The following MNAT1 variants were observed in gnomAD, a reference collection of about 807,000 sequenced individuals.
MNAT1 encodes the protein MNAT1 component of CDK activating kinase.
MNAT1 carries 43 observed loss-of-function variants against 42.0 expected under a neutral mutation model. The ratio of observed to expected loss-of-function variants is 1.02; its 90% CI spans 0.80 to 1.32. The LOEUF is 1.32. MNAT1 is among the 40% of genes most tolerant of loss of function. The probability of loss-of-function intolerance (pLI) is 0.00; values close to 1 mark genes in which losing one functional copy is unlikely to be tolerated. For synonymous variants in MNAT1, 118 were observed against 120.0 expected (o/e 0.98, Z 0.11); for missense variants, 306 against 350.4 (o/e 0.87, Z 1.01).
intron 6 of MNAT1, among the ~76,000 whole-genome samples, chr14:60,831,948 A>G (rs2033233743): frequency 6.6e-6 from 1 of 151,836 alleles, no homozygotes; most frequent in East Asian, 1.9e-4. Context: ...GCTTTTTTTC[A>G]TGTGTTTGTT....
rs762485245 is a variant in MNAT1 at position 60,879,706 on chromosome 14, T to C, written c.688-8T>C. ...AAGAGGTATTAAGTTCCTTCATTTTTCTAACAGGGTCAACATATTTCACTG... is the reference window on the plus strand; with the variant it reads ...AAGAGGTATTAAGTTCCTTCATTTTCCTAACAGGGTCAACATATTTCACTG... On this transcript the variant is annotated splice_region_variant and splice_polypyrimidine_tract_variant and intron_variant, in intron 6 of 7. Transcript: ENST00000261245. The C allele has an allele frequency of 6.2e-7, 1 of 1,606,604 alleles. No individual in the cohort carries two copies. Among genetic ancestry groups the C allele is most frequent in the Non-Finnish European group, 8.5e-7 (1 of 1,177,260 alleles).
intron 7 of MNAT1, among the ~76,000 whole-genome samples, chr14:60,918,226 T>TTTTTTG: frequency 7.3e-6 from 1 of 136,686 alleles, no homozygotes; most frequent in African/African-American, 2.8e-5. Flanking sequence ...TTTTTTTTTT[T>TTTTTTG]GAGATGGAGT....
chr14:60,903,207 T>C (rs2035109572), intron 7 of MNAT1, among the ~76,000 whole-genome samples: 1 of 152,072 alleles, frequency 6.6e-6, no homozygotes, highest in East Asian at 1.9e-4. Context: ...ATATTAAATC[T>C]TCGTCTTCAC....
At chr14:60,790,618 A>AG (rs1213758262) in intron 1 of MNAT1, among the ~76,000 whole-genome samples, 1 of 152,136 alleles carries the variant, frequency 6.6e-6, no homozygotes, top group African/African-American at 2.4e-5. Context: ...AGCAAGCTGT[A>AG]CTCGACCACT....
chr14:60,824,183 T>G (rs926705097), intron 6 of MNAT1, among the ~76,000 whole-genome samples: 2 of 152,256 alleles, frequency 1.3e-5, no homozygotes, highest in Non-Finnish European at 1.5e-5. Context: ...ATCACCATTC[T>G]TATGAGATTG....
chr14:60,885,409 C>T (rs2034643524), intron 7 of MNAT1, among the ~76,000 whole-genome samples: 1 of 151,702 alleles, frequency 6.6e-6, no homozygotes, highest in Admixed American at 6.6e-5. Context: ...TTTTCTTTGA[C>T]TGTATTTTCA....
At chr14:60,743,228 C>T (rs1334177444) in intron 1 of MNAT1, among the ~76,000 whole-genome samples, 2 of 152,066 alleles carry the variant, frequency 1.3e-5, no homozygotes, top group African/African-American at 4.8e-5. Context: ...TATTGCCCTT[C>T]TTCCTTTGGA....
intron 1 of MNAT1, among the ~76,000 whole-genome samples, chr14:60,738,978 C>T (rs1490469288): frequency 4.6e-5 from 7 of 152,080 alleles, no homozygotes; most frequent in South Asian, 2.1e-4. Context: ...GATTCTGGCT[C>T]GGTCTTAGGA....
chr14:60,936,674 T>A (rs377191382), intron 7 of MNAT1, among the ~76,000 whole-genome samples: 1 of 152,174 alleles, frequency 6.6e-6, no homozygotes, highest in Non-Finnish European at 1.5e-5. Context: ...TGAATAGTGC[T>A]GCAATAAACA....
intron 6 of MNAT1, among the ~76,000 whole-genome samples, chr14:60,866,585 C>T (rs1566801918): frequency 6.6e-6 from 1 of 151,894 alleles, no homozygotes; most frequent in Non-Finnish European, 1.5e-5. Context: ...CAATGCTGTT[C>T]CTTTTATGTT....
At chr14:60,926,037 A>G (rs2035757229) in intron 7 of MNAT1, among the ~76,000 whole-genome samples, 1 of 152,168 alleles carries the variant, frequency 6.6e-6, no homozygotes, top group African/African-American at 2.4e-5. Flanking sequence ...ATGATTGTGG[A>G]CTTTCATCAC....
intron 6 of MNAT1, among the ~76,000 whole-genome samples, chr14:60,851,230 A>T (rs1284069224): frequency 6.6e-6 from 1 of 152,212 alleles, no homozygotes; most frequent in African/African-American, 2.4e-5. Context: ...TGAGATCTTG[A>T]TTAAAATTCT....
intron 1 of MNAT1, among the ~76,000 whole-genome samples, chr14:60,747,348 G>C (rs2029882743): frequency 6.6e-6 from 1 of 152,046 alleles, no homozygotes; most frequent in Admixed American, 6.6e-5. Context: ...TTTACTGTGT[G>C]AACATCATAC....
intron 6 of MNAT1, among the ~76,000 whole-genome samples, chr14:60,844,569 A>G (rs1007457382): frequency 1.3e-5 from 2 of 151,914 alleles, no homozygotes; most frequent in African/African-American, 2.4e-5. Flanking sequence ...GAGCTTTTCT[A>G]TTTTACTTAT....
chr14:60,838,242 T>TAC (rs1213000085), intron 6 of MNAT1, among the ~76,000 whole-genome samples: 3 of 152,038 alleles, frequency 2.0e-5, no homozygotes, highest in Non-Finnish European at 2.9e-5. Flanking sequence ...CTCAAGCAGT[T>TAC]ACCCTGCCTC....
chr14:60,823,941 G>C (rs1028815486), intron 6 of MNAT1, among the ~76,000 whole-genome samples: 1 of 152,004 alleles, frequency 6.6e-6, no homozygotes, highest in African/African-American at 2.4e-5. Context: ...GGTGGATCAC[G>C]AGATCAGGAG....
intron 7 of MNAT1, among the ~76,000 whole-genome samples, chr14:60,896,649 C>CT (rs1164361741): frequency 2.0e-5 from 3 of 152,060 alleles, no homozygotes; most frequent in Admixed American, 2.0e-4. Context: ...CCATGCCTGT[C>CT]TAATTTTTTG....
intron 6 of MNAT1, among the ~76,000 whole-genome samples, chr14:60,840,898 C>T (rs1226943467): frequency 6.6e-6 from 1 of 152,160 alleles, no homozygotes; most frequent in Non-Finnish European, 1.5e-5. Flanking sequence ...TTCCTGACCT[C>T]AGGTGATCCG....
chr14:60,961,370 A>G (rs955526894), intron 7 of MNAT1, among the ~76,000 whole-genome samples: 5 of 152,162 alleles, frequency 3.3e-5, no homozygotes, highest in Admixed American at 6.5e-5. Context: ...TTCTGCCTAC[A>G]TCTCTAGCCT....
Sources: allele counts gnomAD v4.1 joint callset (sites outside exome capture counted in the v4.1 genomes callset), GRCh38; gene constraint gnomAD v4.1.1; transcripts MANE v1.5; gene names NCBI Gene and HGNC (gene_info 2026-07-23, HGNC 2026-07-21).